Variants in FHIT observed in about 807,000 individuals in gnomAD.
FHIT encodes the protein fragile histidine triad diadenosine triphosphatase, also known as bis(5'-adenosyl)-triphosphatase.
In FHIT, 19 loss-of-function variants were observed where a neutral mutation model predicts 17.9. That is an observed-to-expected ratio of 1.06 (90% CI 0.74 to 1.56). FHIT has a LOEUF of 1.56. Among genes scored for constraint, FHIT ranks in the 40% most tolerant of loss-of-function variants. The pLI, the probability that FHIT is intolerant of heterozygous loss-of-function variation, is 0.00. For missense variants in FHIT, 248 were observed against 189.2 expected (o/e 1.31, Z -1.82); for synonymous variants, 81 against 69.7 (o/e 1.16, Z -0.81).
At chr3:59,835,977 A>C (rs1701325587) in intron 8 of FHIT, among the ~76,000 whole-genome samples, 1 of 152,180 alleles carries the variant, frequency 6.6e-6, no homozygotes, top group Admixed American at 6.5e-5. Context: ...AAATGGCCCC[A>C]GGAAGTCCTG....
At chr3:60,031,266 C>A (rs1700988517) in intron 5 of FHIT, among the ~76,000 whole-genome samples, 2 of 152,194 alleles carry the variant, frequency 1.3e-5, no homozygotes, top group African/African-American at 4.8e-5. Flanking sequence ...TTCTGTCAAC[C>A]TGGGAGCCAC....
At chr3:60,692,319 C>A (rs1010749685) in intron 4 of FHIT, among the ~76,000 whole-genome samples, 27 of 152,078 alleles carry the variant, frequency 1.8e-4, no homozygotes, top group Non-Finnish European at 2.9e-5. Context: ...ACATCCTAGT[C>A]CCTAAAATCT....
At chr3:60,754,769 CT>C in intron 4 of FHIT, among the ~76,000 whole-genome samples, 1 of 152,246 alleles carries the variant, frequency 6.6e-6, no homozygotes, top group Admixed American at 6.5e-5. Flanking sequence ...TTTACCCTTT[CT>C]ACACTCATAG....
At chr3:60,838,231 G>A (rs1702601250) in intron 3 of FHIT, among the ~76,000 whole-genome samples, 2 of 152,080 alleles carry the variant, frequency 1.3e-5, no homozygotes, top group South Asian at 4.2e-4. Flanking sequence ...CCAGCACTTT[G>A]GGAAGCCGAG....
chr3:60,831,144 A>T (rs1702312694), intron 3 of FHIT, among the ~76,000 whole-genome samples: 1 of 152,230 alleles, frequency 6.6e-6, no homozygotes, highest in South Asian at 2.1e-4. Flanking sequence ...ACTTGAGGAA[A>T]TAGTTAAAAG....
chr3:60,604,136 T>G (rs1387381899), intron 4 of FHIT, among the ~76,000 whole-genome samples: 1 of 152,116 alleles, frequency 6.6e-6, no homozygotes, highest in Non-Finnish European at 1.5e-5. Context: ...AAGGCCAGCT[T>G]TTAAAAATAC....
At chr3:60,119,547 G>A (rs574315458) in intron 5 of FHIT, among the ~76,000 whole-genome samples, 6 of 152,142 alleles carry the variant, frequency 3.9e-5, no homozygotes, top group Non-Finnish European at 8.8e-5. Context: ...GAGGGGTATT[G>A]CATATTTATT....
chr3:60,379,312 G>A (rs889051835), intron 5 of FHIT, among the ~76,000 whole-genome samples: 2 of 151,862 alleles, frequency 1.3e-5, no homozygotes, highest in Non-Finnish European at 2.9e-5. Context: ...CAACTTCCTA[G>A]ATGAAATAGG....
Position 60,752,839 on chromosome 3 carries a change from A to C in FHIT, c.-18+69080T>G, listed in dbSNP as rs528399194. Among the ~76,000 whole-genome samples, 10 of 152,370 alleles carry C rather than the reference A, an allele frequency of 6.6e-5. No individual in the cohort carries two copies. The South Asian group carries it at 2.1e-3, about 32-fold the overall frequency. On this transcript the variant is annotated intron_variant, in intron 4 of 9. Transcript: ENST00000492590. ...CACAGAGAGTTTCATTCTGAAAAAC[A>C]GACATTTAATGTAGTTATTCTGAAA...
chr3:59,816,606 A>G (rs559255182), intron 8 of FHIT, among the ~76,000 whole-genome samples: 1 of 152,250 alleles, frequency 6.6e-6, no homozygotes, highest in South Asian at 2.1e-4. Context: ...GGGAGCAGGA[A>G]AGTGGAGCAT....
chr3:59,762,220 A>G (rs1245081332), intron 8 of FHIT, among the ~76,000 whole-genome samples: 2 of 152,150 alleles, frequency 1.3e-5, no homozygotes, highest in African/African-American at 4.8e-5. Flanking sequence ...CACTGCTCAG[A>G]ACGTTGTACA....
intron 5 of FHIT, among the ~76,000 whole-genome samples, chr3:60,350,788 CTT>C (rs1259494827): frequency 6.6e-6 from 1 of 151,220 alleles, no homozygotes; most frequent in Non-Finnish European, 1.5e-5. Flanking sequence ...AATCTCCTCT[CTT>C]GAGTGTGAAC....
chr3:60,917,086 C>A (rs1323065798), intron 3 of FHIT, among the ~76,000 whole-genome samples: 1 of 152,088 alleles, frequency 6.6e-6, no homozygotes, highest in African/African-American at 2.4e-5. Context: ...CATTAAGCAC[C>A]ATCTCAAAAA....
intron 5 of FHIT, among the ~76,000 whole-genome samples, chr3:60,470,058 T>TCTCTCTCTC (rs1576711581): frequency 4.2e-5 from 6 of 143,040 alleles, no homozygotes; most frequent in African/African-American, 1.1e-4. Flanking sequence ...CTCTCTTTCT[T>TCTCTCTCTC]TCTCTCTCTC....
chr3:60,023,005 A>C (rs746094766), intron 5 of FHIT, among the ~76,000 whole-genome samples: 1 of 152,184 alleles, frequency 6.6e-6, no homozygotes, highest in Non-Finnish European at 1.5e-5. Context: ...ATTAACTGTC[A>C]CTCGAAAGAG....
At chr3:60,441,854 T>TG (rs367869647) in intron 5 of FHIT, among the ~76,000 whole-genome samples, 1 of 137,650 alleles carries the variant, frequency 7.3e-6, no homozygotes, top group African/African-American at 2.7e-5. Flanking sequence ...TTTTTAGTTG[T>TG]GTTTTTTTTT....
At chr3:59,895,271 T>C (rs962589296) in intron 8 of FHIT, among the ~76,000 whole-genome samples, 4 of 152,256 alleles carry the variant, frequency 2.6e-5, no homozygotes, top group African/African-American at 9.6e-5. Flanking sequence ...TTCCTCACTA[T>C]ACTGGAGGCT....
chr3:60,942,091 C>A (rs1708434743), intron 3 of FHIT, among the ~76,000 whole-genome samples: 1 of 152,148 alleles, frequency 6.6e-6, no homozygotes, highest in Non-Finnish European at 1.5e-5. Flanking sequence ...TCAGGCAATT[C>A]TCCTGCCTCA....
At chr3:60,040,126 A>G (rs1481484739) in intron 5 of FHIT, among the ~76,000 whole-genome samples, 1 of 150,732 alleles carries the variant, frequency 6.6e-6, no homozygotes, top group East Asian at 1.9e-4. Flanking sequence ...CCTAATGAAT[A>G]ATTTCCTTCT....
Sources: gnomAD v4.1 joint callset for allele counts (sites outside exome capture counted in the v4.1 genomes callset) on GRCh38, gnomAD v4.1.1 for gene constraint, MANE v1.5 for transcripts, NCBI Gene and HGNC (gene_info 2026-07-23, HGNC 2026-07-21) for gene names.